Variants in SLC1A1 observed in about 807,000 individuals in gnomAD.
SLC1A1 encodes the protein solute carrier family 1 member 1.
A neutral mutation model predicts 53.3 loss-of-function variants in SLC1A1; 43 were observed. That is an observed-to-expected ratio of 0.81 (90% CI 0.63 to 1.04). The LOEUF (loss-of-function observed/expected upper bound fraction) is 1.04, where lower values mean the gene tolerates loss of function less well. Ranked by LOEUF, SLC1A1 falls within the 50% of genes least tolerant of loss-of-function variation. SLC1A1 has a pLI of 0.00. For missense variants in SLC1A1, 748 were observed against 664.9 expected (o/e 1.12, Z -1.37); for synonymous variants, 307 against 243.2 (o/e 1.26, Z -2.44).
At chr9:4,571,542 G>T (rs1329950265) in intron 6 of SLC1A1, among the ~76,000 whole-genome samples, 2 of 152,004 alleles carry the variant, frequency 1.3e-5, no homozygotes, top group African/African-American at 4.8e-5. Flanking sequence ...TTGGGTGTGG[G>T]GGCGGATGCC....
At chr9:4,534,190 G>A (rs1017316823) in intron 1 of SLC1A1, among the ~76,000 whole-genome samples, 1 of 151,936 alleles carries the variant, frequency 6.6e-6, no homozygotes, top group African/African-American at 2.4e-5. Context: ...GCTAGCAGAA[G>A]GCAAGAAATA....
rs776281876 is a variant in SLC1A1 at position 4,557,088 on chromosome 9, G to A, written c.233-4361G>A. 1.4e-4 allele frequency among the ~76,000 whole-genome samples: 22 copies of A among 152,058 alleles called. 1 individual carries two copies. Among genetic ancestry groups the A allele is most frequent in the Admixed American group, 2.6e-4 (4 of 15,260 alleles). On this transcript the variant is annotated intron_variant, in intron 2 of 11. Coordinates refer to ENST00000262352, the MANE Select transcript of SLC1A1 (RefSeq NM_004170.6). ...GACTACCTGCTGAGGTCCAAGTTTC[G>A]GACCCAGAAATGGATCTTTGAAATG...
At chr9:4,520,665 T>C (rs1235242717) in intron 1 of SLC1A1, among the ~76,000 whole-genome samples, 1 of 152,238 alleles carries the variant, frequency 6.6e-6, no homozygotes, top group Non-Finnish European at 1.5e-5. Context: ...TATCCAATAA[T>C]AAATTGGGCA....
At chr9:4,575,906 A>C (rs757901064) in intron 8 of SLC1A1, 95 bp from the exon 9 acceptor site, 36 of 1,461,048 alleles carry the variant, frequency 2.5e-5, no homozygotes, top group Non-Finnish European at 3.3e-5. Context: ...TGAAAGTCAA[A>C]CAATTTTATA....
chr9:4,515,895 C>T (rs1486315936), intron 1 of SLC1A1, among the ~76,000 whole-genome samples: 3 of 152,196 alleles, frequency 2.0e-5, no homozygotes, highest in African/African-American at 7.2e-5. Context: ...CAGTATGGGA[C>T]AAGGCACTAG....
At chr9:4,522,201 A>C (rs568052760) in intron 1 of SLC1A1, among the ~76,000 whole-genome samples, 4 of 151,190 alleles carry the variant, frequency 2.6e-5, no homozygotes, top group Non-Finnish European at 4.4e-5. Context: ...ACAGGCGCCC[A>C]CCACCACGCC....
chr9:4,526,281 G>A (rs1816255972), intron 1 of SLC1A1, among the ~76,000 whole-genome samples: 1 of 152,152 alleles, frequency 6.6e-6, no homozygotes, highest in African/African-American at 2.4e-5. Context: ...AAACAAAATA[G>A]GGAATGTGAT....
chr9:4,568,429 A>C (rs1405331142), intron 6 of SLC1A1, among the ~76,000 whole-genome samples: 1 of 151,930 alleles, frequency 6.6e-6, no homozygotes, highest in African/African-American at 2.4e-5. Context: ...AAAAAAAAAA[A>C]AAAGGACCAG....
chr9:4,585,250 C>T, intron 11 of SLC1A1, 62 bp from the exon 12 acceptor site: 1 of 1,602,326 alleles, frequency 6.2e-7, no homozygotes, highest in Non-Finnish European at 8.5e-7. Flanking sequence ...CCTTGCATCT[C>T]TCCAGTGATG....
chr9:4,511,855 T>C (rs896359073), intron 1 of SLC1A1, among the ~76,000 whole-genome samples: 1 of 152,180 alleles, frequency 6.6e-6, no homozygotes, highest in Non-Finnish European at 1.5e-5. Flanking sequence ...TTAAGACTAA[T>C]AAGTGATTTT....
intron 2 of SLC1A1, among the ~76,000 whole-genome samples, chr9:4,560,559 C>A (rs1564039265): frequency 6.6e-6 from 1 of 152,004 alleles, no homozygotes; most frequent in African/African-American, 2.4e-5. Flanking sequence ...ACCTTTTCTC[C>A]TTTTTCAGAT....
At chr9:4,537,143 T>G (rs1816704540) in intron 1 of SLC1A1, among the ~76,000 whole-genome samples, 1 of 151,682 alleles carries the variant, frequency 6.6e-6, no homozygotes, top group Non-Finnish European at 1.5e-5. Flanking sequence ...TGTATACACA[T>G]GTAACTAACC....
At chr9:4,509,578 C>T (rs1475053464) in intron 1 of SLC1A1, among the ~76,000 whole-genome samples, 1 of 151,846 alleles carries the variant, frequency 6.6e-6, no homozygotes, top group Non-Finnish European at 1.5e-5. Context: ...AAAAACCCAA[C>T]CTCTGTCTCT....
intron 10 of SLC1A1, among the ~76,000 whole-genome samples, chr9:4,582,330 C>G (rs1462433505): frequency 6.6e-6 from 1 of 152,184 alleles, no homozygotes. Context: ...CAAAGTGCAT[C>G]TACTGGCAAA....
At chr9:4,577,428 G>A (rs1034795339) in intron 10 of SLC1A1, among the ~76,000 whole-genome samples, 4 of 152,174 alleles carry the variant, frequency 2.6e-5, no homozygotes, top group African/African-American at 9.7e-5. Context: ...AAGAGCTTGT[G>A]GAAAGCTCTT....
chr9:4,564,193 C>A, intron 3 of SLC1A1, 151 bp from the exon 4 acceptor site: 1 of 677,164 alleles, frequency 1.5e-6, no homozygotes, highest in Non-Finnish European at 2.7e-6. Context: ...TGCTGAGGTT[C>A]CAGAGGAGGC....
At chr9:4,495,956 G>A (rs1274947475) in intron 1 of SLC1A1, among the ~76,000 whole-genome samples, 1 of 152,170 alleles carries the variant, frequency 6.6e-6, no homozygotes, top group African/African-American at 2.4e-5. Flanking sequence ...CCAGAAGGGT[G>A]TTTGGGTAAA....
chr9:4,551,168 C>G (rs184353181), intron 2 of SLC1A1, among the ~76,000 whole-genome samples: 3 of 152,260 alleles, frequency 2.0e-5, no homozygotes, highest in Admixed American at 2.0e-4. Flanking sequence ...TTTGTAAACT[C>G]AGGCTTTACA....
chr9:4,521,218 G>C (rs1419066977), intron 1 of SLC1A1, among the ~76,000 whole-genome samples: 2 of 152,146 alleles, frequency 1.3e-5, no homozygotes, highest in Non-Finnish European at 2.9e-5. Context: ...AAATTGCAAA[G>C]CAACATTTTT....
Sources: gnomAD v4.1 joint callset for allele counts (sites outside exome capture counted in the v4.1 genomes callset) on GRCh38, gnomAD v4.1.1 for gene constraint, MANE v1.5 for transcripts, NCBI Gene and HGNC (gene_info 2026-07-23, HGNC 2026-07-21) for gene names.